Variants in SBF2 observed in about 807,000 individuals in gnomAD.
The protein encoded by SBF2 is myotubularin-related protein 13.
In SBF2, 112 loss-of-function variants were observed where a neutral mutation model predicts 225.2. The ratio of observed to expected loss-of-function variants is 0.50; its 90% CI spans 0.43 to 0.58. The LOEUF (loss-of-function observed/expected upper bound fraction) is 0.58. Ranked by LOEUF, SBF2 falls within the 20% of genes least tolerant of loss-of-function variation. The pLI, the probability that SBF2 is intolerant of heterozygous loss-of-function variation, is 0.00. For synonymous variants in SBF2, 763 were observed against 773.3 expected, an observed-to-expected ratio of 0.99 and a Z score of 0.22; for missense variants, 1,996 against 2,206.2, an observed-to-expected ratio of 0.90 and a Z score of 1.91.
chr11:9,968,480 T>C lies in SBF2; in HGVS notation c.1461A>G (p.Arg487=), dbSNP rs140492690. 2.5e-6 allele frequency: 4 copies of C among 1,614,170 alleles called. No individual in the cohort carries two copies. In the East Asian group the frequency reaches 8.9e-5, roughly 36 times the overall value. ...VPRPTEGSHL[R]VHILPFPEIN... ...TCTCTGGGAAAGGAAGAATATGAAC[T>C]CGCAAATGGGATCCTTCTGTTGGCC... The change falls in exon 14 of 40, where the codon CGA becomes CGG. Residue 487 remains arginine (R), a synonymous_variant. Coordinates refer to ENST00000256190, the MANE Select transcript of SBF2 (RefSeq NM_030962.4).
intron 24 of SBF2, among the ~76,000 whole-genome samples, chr11:9,845,210 A>G (rs1042401520): frequency 6.6e-6 from 1 of 152,228 alleles, no homozygotes; most frequent in African/African-American, 2.4e-5. Context: ...GTTTCTAGAT[A>G]AAAGCAAATC....
In SBF2 at chr11:9,779,698, C is replaced by T. The variant is rs1851898201; in HGVS notation, c.*720G>A. On this transcript the variant is annotated 3_prime_UTR_variant, in exon 40 of 40. Transcript: ENST00000256190. ...AGGAAGCAGAAGATACATAAGAACA[C>T]AAGGCCCTGGATCCTCAGAGCACCT... is the stretch of plus-strand genomic sequence containing the variant. 1.3e-5 allele frequency: 2 copies of T among 152,918 alleles called. No individual in the cohort carries two copies. The highest frequency in any genetic ancestry group is 4.8e-5 in the African/African-American group (2 of 41,452). 9.5% of individuals were successfully genotyped at this position (152,918 alleles called of 1,614,324 possible).
chr11:10,221,129 T>C (rs2135406569), intron 1 of SBF2, among the ~76,000 whole-genome samples: 1 of 152,108 alleles, frequency 6.6e-6, no homozygotes, highest in East Asian at 1.9e-4. Context: ...TCCTTTTTTT[T>C]TTTTTTTTAA....
At chr11:10,253,894 A>T (rs555520929) in intron 1 of SBF2, among the ~76,000 whole-genome samples, 1 of 152,300 alleles carries the variant, frequency 6.6e-6, no homozygotes, top group South Asian at 2.1e-4. Flanking sequence ...AAAATATTCA[A>T]CATCGATAAT....
intron 2 of SBF2, among the ~76,000 whole-genome samples, chr11:10,088,913 G>A (rs961919269): frequency 6.6e-6 from 1 of 152,076 alleles, no homozygotes; most frequent in Non-Finnish European, 1.5e-5. Flanking sequence ...CCTAAAACAG[G>A]CCTCTTTGCA....
chr11:9,885,701 T>C (rs1375459550), intron 17 of SBF2, among the ~76,000 whole-genome samples: 2 of 152,158 alleles, frequency 1.3e-5, no homozygotes, highest in Admixed American at 6.5e-5. Context: ...TTCTGGAAGA[T>C]GAAAAATTTC....
At chr11:10,181,113 T>C (rs1442555050) in intron 2 of SBF2, among the ~76,000 whole-genome samples, 1 of 152,116 alleles carries the variant, frequency 6.6e-6, no homozygotes, top group Non-Finnish European at 1.5e-5. Context: ...TAAACCATCC[T>C]AATTGGAATC....
intron 2 of SBF2, among the ~76,000 whole-genome samples, chr11:10,045,638 C>T (rs561190067): frequency 6.6e-6 from 1 of 152,156 alleles, no homozygotes; most frequent in Non-Finnish European, 1.5e-5. Context: ...TTCCTCCACA[C>T]AAAAGTTCCC....
chr11:9,925,444 A>C (rs1448661895), intron 16 of SBF2, among the ~76,000 whole-genome samples: 1 of 152,062 alleles, frequency 6.6e-6, no homozygotes, highest in Non-Finnish European at 1.5e-5. Flanking sequence ...CGCCCGACTA[A>C]TTTTGAATTT....
intron 28 of SBF2, among the ~76,000 whole-genome samples, chr11:9,823,422 C>T (rs192482363): frequency 1.4e-5 from 2 of 141,118 alleles, no homozygotes; most frequent in Admixed American, 7.3e-5. Context: ...TAAGACTGTA[C>T]GACAATGAAA....
chr11:9,865,683 T>C (rs1438864659), intron 17 of SBF2, among the ~76,000 whole-genome samples: 1 of 45,154 alleles, frequency 2.2e-5, no homozygotes, highest in Non-Finnish European at 3.6e-5. Context: ...AGAGCAAAAC[T>C]GTCTCAAAAA....
intron 13 of SBF2, among the ~76,000 whole-genome samples, chr11:9,985,662 C>CA (rs1947170698): frequency 6.6e-6 from 1 of 152,100 alleles, no homozygotes; most frequent in African/African-American, 2.4e-5. Flanking sequence ...AACTGTAAAG[C>CA]AACAGTGGTT....
intron 2 of SBF2, among the ~76,000 whole-genome samples, chr11:10,130,364 A>G (rs1159718458): frequency 1.4e-5 from 2 of 146,610 alleles, no homozygotes; most frequent in African/African-American, 2.5e-5. Flanking sequence ...ACCATCTCAG[A>G]AAAAAAAAAA....
At chr11:10,024,953 A>T (rs1413619840) in intron 6 of SBF2, among the ~76,000 whole-genome samples, 1 of 152,102 alleles carries the variant, frequency 6.6e-6, no homozygotes, top group African/African-American at 2.4e-5. Context: ...GTCACTCCCA[A>T]ATTCTCAGTC....
At chr11:10,172,465 C>T (rs1305513771) in intron 2 of SBF2, among the ~76,000 whole-genome samples, 1 of 152,102 alleles carries the variant, frequency 6.6e-6, no homozygotes, top group Admixed American at 6.6e-5. Flanking sequence ...GATTCTCCTG[C>T]CTCAGCCTCC....
At chr11:9,862,485 C>T (rs1857837915) in intron 17 of SBF2, among the ~76,000 whole-genome samples, 1 of 152,160 alleles carries the variant, frequency 6.6e-6, no homozygotes, top group South Asian at 2.1e-4. Flanking sequence ...TGTTCAGGGT[C>T]ATATGGTAAG....
At chr11:10,275,061 A>G (rs1328403820) in intron 1 of SBF2, among the ~76,000 whole-genome samples, 1 of 152,220 alleles carries the variant, frequency 6.6e-6, no homozygotes, top group Non-Finnish European at 1.5e-5. Flanking sequence ...GAGTTTCCAA[A>G]TCACATGGAC....
chr11:9,816,872 G>T lies in SBF2; in HGVS notation c.3946C>A (p.Leu1316Ile). Residue 1316 changes from leucine to isoleucine, a missense_variant, in exon 29 of 40, where the codon CTT becomes ATT. Leu to Ile is a conservative substitution (Grantham distance 5, BLOSUM62 2). Transcript: ENST00000256190. ...TGCGACTTTTCACCAAATATGTAAA[G>T]GGCTGCTTGCCGTTTCAAGAGCTGG... The part of the protein sequence containing the change: ...QNQLLKRQAA[L>I]YIFGEKSQLR... The T allele has an allele frequency of 6.2e-7, 1 of 1,614,136 alleles. No individual in the cohort carries two copies.
intron 2 of SBF2, among the ~76,000 whole-genome samples, chr11:10,124,514 T>C (rs2135066315): frequency 6.6e-6 from 1 of 152,342 alleles, no homozygotes; most frequent in East Asian, 1.9e-4. Flanking sequence ...GTGAACTATA[T>C]AAGTCCCTAT....
Sources: gnomAD v4.1 joint callset for allele counts (sites outside exome capture counted in the v4.1 genomes callset) on GRCh38, gnomAD v4.1.1 for gene constraint, MANE v1.5 for transcripts, NCBI Gene and HGNC (gene_info 2026-07-23, HGNC 2026-07-21) for gene names.